STXBP6: variants seen among roughly 807,000 people sequenced by gnomAD.
The protein encoded by STXBP6 is syntaxin binding protein 6.
In STXBP6, 21 loss-of-function variants were observed where a neutral mutation model predicts 26.9. The observed-to-expected ratio is 0.78, with a 90% CI of 0.55 to 1.12. The LOEUF (loss-of-function observed/expected upper bound fraction) is 1.12. Among genes scored for constraint, STXBP6 ranks in the 50% most tolerant of loss-of-function variants. The pLI is 0.00. For synonymous variants in STXBP6, 97 were observed against 92.6 expected, an observed-to-expected ratio of 1.05 and a Z score of -0.27; for missense variants, 232 against 257.9, an observed-to-expected ratio of 0.90 and a Z score of 0.69.
intron 1 of STXBP6, among the ~76,000 whole-genome samples, chr14:24,985,089 G>A (rs1363315772): frequency 3.3e-5 from 5 of 152,218 alleles, no homozygotes; most frequent in Admixed American, 2.0e-4. Flanking sequence ...AAATCGAGCT[G>A]TAGTTTGAAG....
At chr14:25,022,686 G>A (rs1297510097) in intron 1 of STXBP6, among the ~76,000 whole-genome samples, 1 of 152,212 alleles carries the variant, frequency 6.6e-6, no homozygotes, top group Non-Finnish European at 1.5e-5. Flanking sequence ...TTTGCTGGCT[G>A]ATGGTTTCTT....
intron 2 of STXBP6, among the ~76,000 whole-genome samples, chr14:24,963,015 G>C (rs2073601712): frequency 6.6e-6 from 1 of 152,002 alleles, no homozygotes; most frequent in South Asian, 2.1e-4. Flanking sequence ...TTAAAAAGGA[G>C]AACAAAATTA....
At chr14:24,825,580 A>G (rs2068257378) in intron 4 of STXBP6, among the ~76,000 whole-genome samples, 1 of 152,224 alleles carries the variant, frequency 6.6e-6, no homozygotes. Flanking sequence ...AGAATGGACC[A>G]TTCTATTAGG....
chr14:24,827,761 C>A (rs2068332113), intron 4 of STXBP6, among the ~76,000 whole-genome samples: 1 of 152,176 alleles, frequency 6.6e-6, no homozygotes, highest in South Asian at 2.1e-4. Context: ...CTATGCTTTG[C>A]TGCTCACCCA....
chr14:25,028,144 G>A (rs2075382737), intron 1 of STXBP6, among the ~76,000 whole-genome samples: 1 of 152,166 alleles, frequency 6.6e-6, no homozygotes, highest in African/African-American at 2.4e-5. Context: ...ACTGATTAAG[G>A]TTATCAGTTA....
Position 24,861,027 on chromosome 14 carries a change from C to T in STXBP6, c.155-3870G>A, listed in dbSNP as rs1026388570. On this transcript the variant is annotated intron_variant, in intron 2 of 5. Transcript: ENST00000323944. ...TGAATTACTTCATAACTTTATGTGGCCATTTCTCAAAAAAAGAAAGAAAGA... is the reference window on the plus strand; with the variant it reads ...TGAATTACTTCATAACTTTATGTGGTCATTTCTCAAAAAAAGAAAGAAAGA... Among the ~76,000 whole-genome samples, 9 of 152,030 alleles carry T rather than the reference C, an allele frequency of 5.9e-5. No homozygotes were observed. In the East Asian group the frequency reaches 1.7e-3, roughly 29 times the overall value.
chr14:24,856,029 A>G lies in STXBP6; in HGVS notation c.358T>C (p.Cys120Arg). ...QWVASTASEK[C>R]TFFQILHHTC... is the part of the protein sequence containing the mutation. ...TGGTGGAGGATCTGGAAGAAGGTGC[A>G]TTTTTCTGACGCTGTGCTGGCTACC... The change falls in exon 4 of 6, where the codon TGC (cysteine) becomes CGC (arginine). Residue 120 changes from cysteine to arginine, a missense_variant. By Grantham distance (180) the Cys-to-Arg change is radical (BLOSUM62 -3). Coordinates refer to ENST00000323944, the MANE Select transcript of STXBP6 (RefSeq NM_001394410.1). 6.2e-7 allele frequency: 1 copy of G among 1,611,682 alleles called. No individual in the cohort carries two copies.
At chr14:25,005,478 T>TCAC (rs1369008299) in intron 1 of STXBP6, among the ~76,000 whole-genome samples, 1 of 152,160 alleles carries the variant, frequency 6.6e-6, no homozygotes, top group East Asian at 1.9e-4. Context: ...CCACGATGGG[T>TCAC]CACCACCACT....
chr14:24,973,101 G>C (rs1261001143), intron 2 of STXBP6, among the ~76,000 whole-genome samples: 1 of 152,162 alleles, frequency 6.6e-6, no homozygotes, highest in Admixed American at 6.5e-5. Flanking sequence ...CTGGGCAACA[G>C]AGTGAGACCC....
intron 1 of STXBP6, among the ~76,000 whole-genome samples, chr14:25,042,382 C>A (rs1157783927): frequency 6.6e-6 from 1 of 152,226 alleles, no homozygotes; most frequent in African/African-American, 2.4e-5. Flanking sequence ...GCAAGGGGCA[C>A]AGGCTCCAGG....
intron 1 of STXBP6, among the ~76,000 whole-genome samples, chr14:25,027,453 T>G (rs1181138998): frequency 6.6e-6 from 1 of 152,222 alleles, no homozygotes; most frequent in Non-Finnish European, 1.5e-5. Flanking sequence ...ATGCACGTAT[T>G]CTGGCTGCTC....
chr14:24,827,477 T>C (rs184162242), intron 4 of STXBP6, among the ~76,000 whole-genome samples: 1 of 152,258 alleles, frequency 6.6e-6, no homozygotes, highest in East Asian at 1.9e-4. Flanking sequence ...CCTACATTCA[T>C]TGTGTCAATT....
At chr14:24,962,887 T>C in intron 2 of STXBP6, among the ~76,000 whole-genome samples, 1 of 130,446 alleles carries the variant, frequency 7.7e-6, no homozygotes, top group Non-Finnish European at 1.6e-5. Flanking sequence ...TGGTGAAAAC[T>C]GAAAAAAAAA....
chr14:24,990,044 G>T (rs2074426759), intron 1 of STXBP6, among the ~76,000 whole-genome samples: 1 of 152,194 alleles, frequency 6.6e-6, no homozygotes, highest in African/African-American at 2.4e-5. Flanking sequence ...CAGTCAGCAA[G>T]AGCTGACTAT....
At chr14:24,990,367 A>T (rs1474710343) in intron 1 of STXBP6, among the ~76,000 whole-genome samples, 1 of 152,174 alleles carries the variant, frequency 6.6e-6, no homozygotes, top group Non-Finnish European at 1.5e-5. Context: ...TTGCTTGAAA[A>T]GATAAGCTGC....
At chr14:25,030,516 G>A (rs1269261249) in intron 1 of STXBP6, among the ~76,000 whole-genome samples, 2 of 152,132 alleles carry the variant, frequency 1.3e-5, no homozygotes, top group Non-Finnish European at 1.5e-5. Context: ...ATTCCCTCAA[G>A]GGTTCTTCAT....
intron 4 of STXBP6, among the ~76,000 whole-genome samples, chr14:24,828,391 C>T (rs1384141573): frequency 6.6e-6 from 1 of 151,968 alleles, no homozygotes; most frequent in African/African-American, 2.4e-5. Flanking sequence ...AATGATAAAA[C>T]AAGAGAGTTA....
chr14:24,849,253 GAT>G (rs1177667976), intron 4 of STXBP6, among the ~76,000 whole-genome samples: 1 of 152,214 alleles, frequency 6.6e-6, no homozygotes, highest in Non-Finnish European at 1.5e-5. Flanking sequence ...TCTAGGAAAA[GAT>G]ATATTGGCTG....
chr14:24,896,174 C>G (rs1432774950), intron 2 of STXBP6, among the ~76,000 whole-genome samples: 1 of 152,136 alleles, frequency 6.6e-6, no homozygotes, highest in East Asian at 1.9e-4. Context: ...AGTCCACGAT[C>G]TAGTGTGGTC....
Sources: gnomAD v4.1 joint callset for allele counts (sites outside exome capture counted in the v4.1 genomes callset) on GRCh38, gnomAD v4.1.1 for gene constraint, MANE v1.5 for transcripts, NCBI Gene and HGNC (gene_info 2026-07-23, HGNC 2026-07-21) for gene names.